The following KATNAL1 variants were observed in gnomAD, a reference collection of about 807,000 sequenced individuals.
KATNAL1 encodes katanin p60 ATPase-containing subunit A-like 1.
In KATNAL1, 32 loss-of-function variants were observed where a neutral mutation model predicts 55.2. The ratio of observed to expected loss-of-function variants is 0.58; its 90% CI spans 0.44 to 0.78. The LOEUF (loss-of-function observed/expected upper bound fraction) is 0.78, where lower values mean the gene tolerates loss of function less well. Among genes scored for constraint, KATNAL1 ranks in the 30% least tolerant of loss-of-function variants. The pLI, the probability that KATNAL1 is intolerant of heterozygous loss-of-function variation, is 0.00. For missense variants in KATNAL1, 466 were observed against 600.9 expected, an observed-to-expected ratio of 0.78 and a Z score of 2.35; for synonymous variants, 193 against 193.6, an observed-to-expected ratio of 1.00 and a Z score of 0.02.
intron 1 of KATNAL1, among the ~76,000 whole-genome samples, chr13:30,287,103 G>T (rs1280903187): frequency 6.6e-6 from 1 of 152,178 alleles, no homozygotes; most frequent in Non-Finnish European, 1.5e-5. Flanking sequence ...TGAGACTTTG[G>T]ATTTGGACTT....
intron 8 of KATNAL1, among the ~76,000 whole-genome samples, chr13:30,228,770 T>C (rs970929491): frequency 6.6e-6 from 1 of 151,694 alleles, no homozygotes; most frequent in Admixed American, 6.6e-5. Context: ...GTTGTTGTTA[T>C]GAGACAGGTT....
intron 4 of KATNAL1, among the ~76,000 whole-genome samples, chr13:30,245,686 G>T (rs1593880352): frequency 1.3e-5 from 2 of 152,264 alleles, no homozygotes; most frequent in South Asian, 2.1e-4. Flanking sequence ...TCCTTAAGCT[G>T]ATAAGCAACT....
intron 9 of KATNAL1, among the ~76,000 whole-genome samples, chr13:30,214,357 T>A (rs1873999060): frequency 6.6e-6 from 1 of 151,942 alleles, no homozygotes; most frequent in Non-Finnish European, 1.5e-5. Flanking sequence ...CCAAGGTAAT[T>A]TATAGATTTA....
At chr13:30,300,893 A>G (rs1376555162) in intron 1 of KATNAL1, among the ~76,000 whole-genome samples, 1 of 152,250 alleles carries the variant, frequency 6.6e-6, no homozygotes, top group Non-Finnish European at 1.5e-5. Context: ...ACAAAAAAAA[A>G]CTGTTCATAA....
chr13:30,275,578 T>C (rs1289781332), intron 3 of KATNAL1, among the ~76,000 whole-genome samples: 2 of 151,892 alleles, frequency 1.3e-5, no homozygotes, highest in African/African-American at 4.8e-5. Flanking sequence ...GAAAATGGGG[T>C]GATATTGGTC....
At chr13:30,246,865 G>A (rs1877847573) in intron 4 of KATNAL1, among the ~76,000 whole-genome samples, 1 of 152,032 alleles carries the variant, frequency 6.6e-6, no homozygotes, top group Admixed American at 6.6e-5. Context: ...AATTAGAATG[G>A]CAATTATTTC....
rs531384353 is a variant in KATNAL1, at chr13:30,203,317, A to T, written c.*5223T>A. Reference sequence around the variant, plus strand: ...AGCAGGAGGGAAGGATGTGCTTAAAAGAAACAAATCTGCATAGATGATGAA... The same window carrying T: ...AGCAGGAGGGAAGGATGTGCTTAAATGAAACAAATCTGCATAGATGATGAA... On this transcript the variant is annotated 3_prime_UTR_variant, in exon 11 of 11. Transcript: ENST00000380615. 1 of 152,234 alleles carries T rather than the reference A, an allele frequency of 6.6e-6. No individual in the cohort carries two copies. Among genetic ancestry groups the T allele is most frequent in the South Asian group, 2.1e-4 (1 of 4,834 alleles). 9.4% of individuals were successfully genotyped at this position (152,234 alleles called of 1,614,324 possible). A position where few individuals can be genotyped will look rare whatever the true frequency, so the allele number is the denominator to read the frequency against.
intron 1 of KATNAL1, among the ~76,000 whole-genome samples, chr13:30,294,167 A>G (rs1489567344): frequency 1.3e-5 from 2 of 152,212 alleles, no homozygotes; most frequent in African/African-American, 4.8e-5. Context: ...GAATAGTTGC[A>G]TGTCTCTCAC....
At chr13:30,268,365 G>C (rs1879944163) in intron 3 of KATNAL1, among the ~76,000 whole-genome samples, 1 of 152,154 alleles carries the variant, frequency 6.6e-6, no homozygotes, top group South Asian at 2.1e-4. Context: ...GCCAGCTATA[G>C]ACTACAAAAT....
chr13:30,249,479 T>C (rs1240991588), intron 4 of KATNAL1, among the ~76,000 whole-genome samples: 2 of 151,804 alleles, frequency 1.3e-5, no homozygotes, highest in African/African-American at 4.8e-5. Context: ...CTCACAAGAG[T>C]CTCAAGCTAA....
At chr13:30,220,870 T>C (rs1874785233) in intron 9 of KATNAL1, among the ~76,000 whole-genome samples, 1 of 152,052 alleles carries the variant, frequency 6.6e-6, no homozygotes, top group Admixed American at 6.6e-5. Flanking sequence ...TGGCTAACTT[T>C]TGTATGTTTA....
chr13:30,272,595 A>C (rs1367198879), intron 3 of KATNAL1, among the ~76,000 whole-genome samples: 1 of 152,132 alleles, frequency 6.6e-6, no homozygotes, highest in Non-Finnish European at 1.5e-5. Flanking sequence ...CCCACTACTT[A>C]ATCTTTAATG....
chr13:30,275,296 G>C (rs908027114), intron 3 of KATNAL1, among the ~76,000 whole-genome samples: 3 of 152,146 alleles, frequency 2.0e-5, no homozygotes, highest in African/African-American at 4.8e-5. Context: ...TGCGGGGGCA[G>C]TGCTGCACTC....
At chr13:30,296,406 T>G (rs769310368) in intron 1 of KATNAL1, 83 of 987,794 alleles carry the variant, frequency 8.4e-5, no homozygotes, top group Middle Eastern at 2.2e-4. Flanking sequence ...CTGGCTTGGA[T>G]TAACATCCCC....
chr13:30,243,587 C>A (rs567771664), intron 4 of KATNAL1, among the ~76,000 whole-genome samples: 22 of 117,470 alleles, frequency 1.9e-4, no homozygotes, highest in African/African-American at 6.5e-4. Context: ...ATACAACCAA[C>A]AGGCCTACTA....
rs141143869 is a variant in KATNAL1, at chr13:30,226,030, GGTACTCAAC to G, written c.1147+1373_1147+1381del. ...CATGACCATAAAAAGCACATAAAAA[GGTACTCAAC>G]GTAAGTCATCAGAGAAATACCAATT... On this transcript the variant is annotated intron_variant, in intron 9 of 10. Transcript: ENST00000380615. Among the ~76,000 whole-genome samples, 37 of 152,104 alleles carry G rather than the reference GGTACTCAAC, an allele frequency of 2.4e-4. No individual in the cohort carries two copies. In the East Asian group the frequency reaches 7.0e-3, roughly 29 times the overall value.
chr13:30,248,696 A>G (rs846483), intron 4 of KATNAL1, among the ~76,000 whole-genome samples: 107,249 of 152,148 alleles, frequency 0.7, 38,138 homozygotes, highest in East Asian at 0.89. Context: ...AGGCCAAGGC[A>G]GGTGGATCAC....
At chr13:30,242,069 G>A (rs1593874141) in intron 4 of KATNAL1, among the ~76,000 whole-genome samples, 1 of 152,082 alleles carries the variant, frequency 6.6e-6, no homozygotes, top group East Asian at 1.9e-4. Flanking sequence ...ACAAACTTAA[G>A]CTTAGGCTAG....
At chr13:30,283,261 T>C in intron 2 of KATNAL1, among the ~76,000 whole-genome samples, 1 of 51,760 alleles carries the variant, frequency 1.9e-5, no homozygotes, top group African/African-American at 1.2e-4. Flanking sequence ...AACAAGACTC[T>C]GTCTCAAAAA....
Sources: gnomAD v4.1 joint callset for allele counts (sites outside exome capture counted in the v4.1 genomes callset) on GRCh38, gnomAD v4.1.1 for gene constraint, MANE v1.5 for transcripts, NCBI Gene and HGNC (gene_info 2026-07-23, HGNC 2026-07-21) for gene names.